The following ASB1 variants were observed in gnomAD, a reference collection of about 807,000 sequenced individuals.
ASB1 encodes the protein ankyrin repeat and SOCS box protein 1.
A neutral mutation model predicts 27.7 loss-of-function variants in ASB1; 18 were observed. That is an observed-to-expected ratio of 0.65 (90% CI 0.45 to 0.96). ASB1 has a LOEUF of 0.96. ASB1 is among the 50% of genes least tolerant of loss of function. ASB1 has a pLI of 0.00. For synonymous variants in ASB1, 189 were observed against 187.6 expected (o/e 1.01, Z -0.06); for missense variants, 397 against 451.7 (o/e 0.88, Z 1.10).
chr2:238,439,417 C>T (rs1044352655), intron 3 of ASB1, among the ~76,000 whole-genome samples: 12 of 152,282 alleles, frequency 7.9e-5, no homozygotes, highest in African/African-American at 2.9e-4. Flanking sequence ...TCTCTGGACA[C>T]TCAGGATGGT....
rs185839500 is a variant in ASB1 at position 238,430,513 on chromosome 2, T to C, written c.50-3041T>C. On this transcript the variant is annotated intron_variant, in intron 1 of 4. Transcript: ENST00000264607. ...TTAAGTCTTGAGCCCCTCAAAGTCA[T>C]CCATGTGGGTTGGAATTAACTTCTT... Among the ~76,000 whole-genome samples, 336 of 152,354 alleles carry C rather than the reference T, an allele frequency of 2.2e-3. 1 individual carries two copies. The highest frequency in any genetic ancestry group is 7.6e-3 in the African/African-American group (315 of 41,562).
intron 3 of ASB1, among the ~76,000 whole-genome samples, chr2:238,436,936 A>C (rs1701984354): frequency 6.6e-6 from 1 of 152,204 alleles, no homozygotes. Flanking sequence ...GTTCCTGCTT[A>C]CATATTATGC....
At chr2:238,427,363 G>A (rs28588698) in intron 1 of ASB1, 164 of 372,110 alleles carry the variant, frequency 4.4e-4, no homozygotes, top group African/African-American at 3.0e-3. Context: ...TTTTCTTTCC[G>A]GTGGAACTTG....
intron 3 of ASB1, among the ~76,000 whole-genome samples, chr2:238,436,763 A>C: frequency 7.3e-6 from 1 of 137,628 alleles, no homozygotes; most frequent in Non-Finnish European, 1.5e-5. Context: ...TTAGGTTAGC[A>C]CTCTCTCTCT....
At chr2:238,438,522 C>T (rs568566055) in intron 3 of ASB1, among the ~76,000 whole-genome samples, 22 of 152,296 alleles carry the variant, frequency 1.4e-4, no homozygotes, top group African/African-American at 4.1e-4. Context: ...CTTGCGAAAA[C>T]GTTACTAAGA....
intron 3 of ASB1, among the ~76,000 whole-genome samples, chr2:238,441,709 C>G (rs1453748156): frequency 6.6e-6 from 1 of 152,216 alleles, no homozygotes; most frequent in Non-Finnish European, 1.5e-5. Flanking sequence ...AGCTGCAGTT[C>G]ATTCAGCCAG....
At chr2:238,440,469 G>T (rs943754948) in intron 3 of ASB1, among the ~76,000 whole-genome samples, 2 of 152,126 alleles carry the variant, frequency 1.3e-5, no homozygotes, top group Non-Finnish European at 2.9e-5. Context: ...CAGTTCCCCT[G>T]CCCTCCACAT....
chr2:238,431,418 G>A (rs990523264), intron 1 of ASB1, among the ~76,000 whole-genome samples: 1 of 152,352 alleles, frequency 6.6e-6, no homozygotes, highest in Non-Finnish European at 1.5e-5. Flanking sequence ...TGGTTTGATC[G>A]TATCTCCAGA....
At chr2:238,437,756 T>C (rs1448314210) in intron 3 of ASB1, among the ~76,000 whole-genome samples, 1 of 152,216 alleles carries the variant, frequency 6.6e-6, no homozygotes, top group Non-Finnish European at 1.5e-5. Flanking sequence ...GGTTCTGTTG[T>C]TATAGGCTGC....
Position 238,449,318 on chromosome 2 carries a change from A to C in ASB1, c.*2807A>C, listed in dbSNP as rs1702236294. 1 of 152,338 alleles carries C rather than the reference A, an allele frequency of 6.6e-6. No homozygotes were observed. Among genetic ancestry groups the C allele is most frequent in the African/African-American group, 2.4e-5 (1 of 41,468 alleles). The allele number at this position is 152,338 out of a possible 1,614,324, so 9.4% of individuals were successfully genotyped here. On this transcript the variant is annotated 3_prime_UTR_variant, in exon 5 of 5. Coordinates refer to ENST00000264607, the MANE Select transcript of ASB1 (RefSeq NM_001040445.3). ...CTGGGGCGCCCAAGTCCCATGGGAC[A>C]GGGAAACGTGGTCCTCAGTGAGGCT...
rs754594158 is a variant in ASB1 at position 238,446,521 on chromosome 2, G to A, written c.*10G>A. The A allele has an allele frequency of 6.8e-6, 11 of 1,613,176 alleles. No homozygotes were observed. Among genetic ancestry groups the A allele is most frequent in the Admixed American group, 1.7e-5 (1 of 60,000 alleles). ...TCTACTCCATGAGTAGACTCCAAGT[G>A]CTGCGGTTGATTCCAGTGAGGGAGA... On this transcript the variant is annotated 3_prime_UTR_variant, in exon 5 of 5. Transcript: ENST00000264607.
At chr2:238,432,145 T>G (rs1406464613) in intron 1 of ASB1, among the ~76,000 whole-genome samples, 2 of 152,212 alleles carry the variant, frequency 1.3e-5, no homozygotes, top group African/African-American at 2.4e-5. Context: ...TTTGATTTTC[T>G]TTTTTATTCT....
At chr2:238,430,837 A>G (rs1701857249) in intron 1 of ASB1, among the ~76,000 whole-genome samples, 2 of 150,872 alleles carry the variant, frequency 1.3e-5, no homozygotes, top group African/African-American at 2.5e-5. Context: ...GTCAGCGAGC[A>G]GTAGTATTTT....
chr2:238,446,762 TTAA>T lies in ASB1; in HGVS notation c.*253_*255del. On this transcript the variant is annotated 3_prime_UTR_variant, in exon 5 of 5. Coordinates refer to ENST00000264607, the MANE Select transcript of ASB1 (RefSeq NM_001040445.3). The stretch of plus-strand genomic sequence containing the variant: ...TCTGTTCTGGATTTTCAGTTGCATA[TTAA>T]TGTAACGGGCCATGGGGTATGTACA... 1 of 474,280 alleles carries T rather than the reference TTAA, an allele frequency of 2.1e-6. No individual in the cohort carries two copies. The highest frequency in any genetic ancestry group is 2.1e-5 in the South Asian group (1 of 47,158). 29.4% of individuals were successfully genotyped at this position (474,280 alleles called of 1,614,324 possible).
chr2:238,442,521 GTTTTAC>G (rs1439330322), intron 3 of ASB1, among the ~76,000 whole-genome samples: 2 of 152,098 alleles, frequency 1.3e-5, no homozygotes, highest in African/African-American at 2.4e-5. Context: ...TTCATTGCTT[GTTTTAC>G]TTTTACTTAC....
intron 3 of ASB1, among the ~76,000 whole-genome samples, chr2:238,442,592 T>C (rs949455044): frequency 6.6e-6 from 1 of 152,262 alleles, no homozygotes; most frequent in Admixed American, 6.5e-5. Context: ...AATTTTCATG[T>C]TAAAAACATT....
At chr2:238,446,073 C>T (rs1702175022) in intron 4 of ASB1, among the ~76,000 whole-genome samples, 1 of 152,230 alleles carries the variant, frequency 6.6e-6, no homozygotes, top group Non-Finnish European at 1.5e-5. Flanking sequence ...CAGTGGTCCA[C>T]TCTGATTTCT....
intron 1 of ASB1, among the ~76,000 whole-genome samples, chr2:238,429,718 G>C (rs1701830079): frequency 6.6e-6 from 1 of 152,112 alleles, no homozygotes; most frequent in African/African-American, 2.4e-5. Flanking sequence ...AGATCACGAG[G>C]TCAGGAGATC....
chr2:238,433,410 C>T, intron 1 of ASB1, 144 bp from the exon 2 acceptor site: 3 of 996,826 alleles, frequency 3.0e-6, no homozygotes, highest in Admixed American at 2.5e-5. Flanking sequence ...GGCGTGCCAC[C>T]ATGCCCAGCT....
Sources: allele counts gnomAD v4.1 joint callset (sites outside exome capture counted in the v4.1 genomes callset), GRCh38; gene constraint gnomAD v4.1.1; transcripts MANE v1.5; gene names NCBI Gene and HGNC (gene_info 2026-07-23, HGNC 2026-07-21).